MREG: variants seen among roughly 807,000 people sequenced by gnomAD.
MREG encodes melanoregulin.
Under a neutral mutation model 28.5 loss-of-function variants are expected in MREG, and 31 were observed. The observed-to-expected ratio is 1.09, with a 90% CI of 0.82 to 1.47. The LOEUF (loss-of-function observed/expected upper bound fraction) is 1.47. Ranked by LOEUF, MREG falls within the 40% of genes most tolerant of loss-of-function variation. The pLI is 0.00. For missense variants in MREG, 256 were observed against 257.4 expected (o/e 0.99, Z 0.04); for synonymous variants, 106 against 95.2 (o/e 1.11, Z -0.66).
Position 215,999,800 on chromosome 2 carries a change from C to T in MREG, c.96-3335G>A, listed in dbSNP as rs148397217. 4.3e-3 allele frequency among the ~76,000 whole-genome samples: 649 copies of T among 152,204 alleles called. 2 individuals carry two copies. The highest frequency in any genetic ancestry group is 5.8e-3 in the Non-Finnish European group (397 of 68,030). Reference sequence around the variant, plus strand: ...ACTGTAACACATGGGGCAGAAGCCACGGCTGACATGATGAGCCTGCAGGAT... The same window carrying T: ...ACTGTAACACATGGGGCAGAAGCCATGGCTGACATGATGAGCCTGCAGGAT... On this transcript the variant is annotated intron_variant, in intron 1 of 4. Coordinates refer to ENST00000263268, the MANE Select transcript of MREG (RefSeq NM_018000.3).
At chr2:215,954,875 G>T (rs111371137) in intron 2 of MREG, among the ~76,000 whole-genome samples, 24 of 152,160 alleles carry the variant, frequency 1.6e-4, no homozygotes, top group African/African-American at 5.3e-4. Flanking sequence ...AGCTAATTTT[G>T]TATTTTTAGT....
chr2:215,982,056 C>T (rs946552835), intron 2 of MREG, among the ~76,000 whole-genome samples: 1 of 152,180 alleles, frequency 6.6e-6, no homozygotes, highest in Admixed American at 6.5e-5. Flanking sequence ...CACGGTGGCT[C>T]ACACCTGTAA....
chr2:216,002,630 T>C (rs1323652469), intron 1 of MREG, among the ~76,000 whole-genome samples: 3 of 152,208 alleles, frequency 2.0e-5, no homozygotes, highest in African/African-American at 7.2e-5. Flanking sequence ...TGGTTTGATT[T>C]CCTGCTAGGA....
upstream of MREG, chr2:216,033,962 C>G (rs927121719): frequency 6.6e-6 from 1 of 152,180 alleles, no homozygotes. Context: ...CGTAGCATAC[C>G]TTTCCTGAAT....
At chr2:215,948,225 A>G (rs575135171) in intron 2 of MREG, among the ~76,000 whole-genome samples, 22 of 152,340 alleles carry the variant, frequency 1.4e-4, no homozygotes, top group Admixed American at 1.2e-3. Context: ...GCCATTCGCA[A>G]ATGTTTATAG....
chr2:216,016,124 C>T (rs1007908941), upstream of MREG, among the ~76,000 whole-genome samples: 1 of 152,120 alleles, frequency 6.6e-6, no homozygotes, highest in African/African-American at 2.4e-5. Flanking sequence ...AGGATATGGA[C>T]CCATCATGAA....
chr2:216,022,009 A>G (rs1694527588), intron 1 of MREG, among the ~76,000 whole-genome samples: 1 of 152,202 alleles, frequency 6.6e-6, no homozygotes, highest in Admixed American at 6.5e-5. Flanking sequence ...AGGCTGAGGC[A>G]GGTGGATCAC....
intron 2 of MREG, among the ~76,000 whole-genome samples, chr2:215,960,564 G>A (rs977862115): frequency 7.9e-5 from 12 of 152,124 alleles, no homozygotes; most frequent in East Asian, 1.9e-4. Flanking sequence ...GGCTGGGCAC[G>A]GTGGCTCATG....
intron 2 of MREG, among the ~76,000 whole-genome samples, chr2:215,979,525 A>T (rs1693361524): frequency 6.7e-6 from 1 of 149,738 alleles, no homozygotes; most frequent in African/African-American, 2.4e-5. Flanking sequence ...AAGGTAAACA[A>T]AGTTATTCAA....
At chr2:215,999,323 G>A (rs1270297615) in intron 1 of MREG, among the ~76,000 whole-genome samples, 1 of 152,220 alleles carries the variant, frequency 6.6e-6, no homozygotes, top group Non-Finnish European at 1.5e-5. Flanking sequence ...GGTGAAGGAA[G>A]AACAAGAAGA....
intron 2 of MREG, among the ~76,000 whole-genome samples, chr2:215,962,723 A>T (rs1246732218): frequency 6.7e-6 from 1 of 150,188 alleles, no homozygotes; most frequent in East Asian, 1.9e-4. Context: ...CTCCACATCC[A>T]GACCTGTGTT....
intron 2 of MREG, among the ~76,000 whole-genome samples, chr2:215,954,483 C>CAAAA (rs1692570942): frequency 1.3e-5 from 2 of 150,786 alleles, no homozygotes; most frequent in African/African-American, 4.9e-5. Flanking sequence ...CACACACACA[C>CAAAA]AAAACAACCA....
chr2:216,020,024 G>GA (rs1694498644), intron 1 of MREG, among the ~76,000 whole-genome samples: 3 of 151,866 alleles, frequency 2.0e-5, no homozygotes, highest in African/African-American at 4.8e-5. Flanking sequence ...TTCCCAGGGA[G>GA]GAAAAAAAAA....
At chr2:215,989,643 C>A (rs1454361770) in intron 2 of MREG, among the ~76,000 whole-genome samples, 1 of 151,862 alleles carries the variant, frequency 6.6e-6, no homozygotes, top group Admixed American at 6.6e-5. Context: ...AGCTAAGAAC[C>A]TTGAAAAAAG....
chr2:215,964,591 A>G (rs1246151314), intron 2 of MREG, among the ~76,000 whole-genome samples: 1 of 152,238 alleles, frequency 6.6e-6, no homozygotes, highest in East Asian at 1.9e-4. Context: ...CCCTATAATA[A>G]CCAAAGAAAT....
At chr2:215,956,930 T>C (rs1463130227) in intron 2 of MREG, among the ~76,000 whole-genome samples, 1 of 152,126 alleles carries the variant, frequency 6.6e-6, no homozygotes, top group Non-Finnish European at 1.5e-5. Context: ...ATGAGACGGA[T>C]ACCCTTATAA....
At chr2:215,962,320 AT>A (rs1302377394) in intron 2 of MREG, among the ~76,000 whole-genome samples, 2 of 152,162 alleles carry the variant, frequency 1.3e-5, no homozygotes, top group African/African-American at 2.4e-5. Context: ...GTTTTGTTTA[AT>A]TTGGGGGCTC....
At chr2:215,992,600 A>C (rs1693746552) in intron 2 of MREG, among the ~76,000 whole-genome samples, 1 of 152,342 alleles carries the variant, frequency 6.6e-6, no homozygotes, top group South Asian at 2.1e-4. Flanking sequence ...AAGGTATTCA[A>C]ATAGGAAGAG....
intron 2 of MREG, among the ~76,000 whole-genome samples, chr2:215,963,238 T>C (rs1194933673): frequency 6.6e-6 from 1 of 151,924 alleles, no homozygotes; most frequent in Admixed American, 6.6e-5. Context: ...GGCGGATGGA[T>C]CACTTGATCT....
Sources: allele counts gnomAD v4.1 joint callset (sites outside exome capture counted in the v4.1 genomes callset), GRCh38; gene constraint gnomAD v4.1.1; transcripts MANE v1.5; gene names NCBI Gene and HGNC (gene_info 2026-07-23, HGNC 2026-07-21).